MRPS6: variants seen among roughly 807,000 people sequenced by gnomAD.
MRPS6 encodes small ribosomal subunit protein bS6m.
MRPS6 carries 6 observed loss-of-function variants against 13.1 expected under a neutral mutation model. The observed-to-expected ratio is 0.46, with a 90% CI of 0.25 to 0.91. The LOEUF (loss-of-function observed/expected upper bound fraction) is 0.91, where lower values mean the gene tolerates loss of function less well. MRPS6 is among the 40% of genes least tolerant of loss of function. The probability of loss-of-function intolerance (pLI) is 0.18; values close to 1 mark genes in which losing one functional copy is unlikely to be tolerated. For missense variants in MRPS6, 164 were observed against 155.6 expected (o/e 1.05, Z -0.29); for synonymous variants, 61 against 56.5 (o/e 1.08, Z -0.36).
rs745528477 is a variant in MRPS6 at position 34,096,689 on chromosome 21, C to T, written c.45+22944C>T. 2.5e-6 allele frequency: 4 copies of T among 1,614,086 alleles called. No individual in the cohort carries two copies. Among genetic ancestry groups the T allele is most frequent in the East Asian group, 2.2e-5 (1 of 44,872 alleles). ...TTGCCTACCGTGCCCCAGAATGTGA[C>T]CAACCTGATAATAGGCCGGGCTTCA... On this transcript the variant is annotated intron_variant, in intron 1 of 2. Coordinates refer to ENST00000399312, the MANE Select transcript of MRPS6 (RefSeq NM_032476.4). This position sits in a 1 kb window ranked among gnomAD's most constrained non-coding sequence, Gnocchi z 5.9.
intron 1 of MRPS6, among the ~76,000 whole-genome samples, chr21:34,093,071 A>G (rs1427752876): frequency 6.6e-6 from 1 of 152,212 alleles, no homozygotes; most frequent in African/African-American, 2.4e-5. Context: ...AATGTTTACT[A>G]GTCATCTGAT....
At chr21:34,099,000 A>C in intron 1 of MRPS6, 1 of 989,598 alleles carries the variant, frequency 1.0e-6, no homozygotes, top group Non-Finnish European at 1.2e-6. Flanking sequence ...CAGTCTTTTT[A>C]ATTTTTTTGT....
At chr21:34,115,542 A>G (rs1979865147) in intron 1 of MRPS6, among the ~76,000 whole-genome samples, 1 of 151,920 alleles carries the variant, frequency 6.6e-6, no homozygotes, top group South Asian at 2.1e-4. Flanking sequence ...AGCTTGCAAG[A>G]CTCTTTCAGT....
chr21:34,133,734 C>CTT (rs552317640), intron 2 of MRPS6, among the ~76,000 whole-genome samples: 9 of 152,162 alleles, frequency 5.9e-5, no homozygotes, highest in African/African-American at 2.2e-4. Flanking sequence ...GCACATTACT[C>CTT]TAAGCACAGG....
chr21:34,130,464 A>G (rs1010608065), intron 2 of MRPS6, among the ~76,000 whole-genome samples: 1 of 152,060 alleles, frequency 6.6e-6, no homozygotes, highest in East Asian at 1.9e-4. Flanking sequence ...GCTCTCTTAC[A>G]ACCATGCTGC....
chr21:34,073,901 A>C (rs926740778), intron 1 of MRPS6, among the ~76,000 whole-genome samples, 156 bp downstream of exon 1: 3 of 142,878 alleles, frequency 2.1e-5, no homozygotes, highest in East Asian at 2.1e-4. Flanking sequence ...GTCCGCGGGA[A>C]GGGGGCGCGC....
chr21:34,096,017 A>G lies in MRPS6; in HGVS notation c.45+22272A>G, dbSNP rs760522860. The G allele has an allele frequency of 1.2e-6, 2 of 1,613,990 alleles. No individual in the cohort carries two copies. Among genetic ancestry groups the G allele is most frequent in the East Asian group, 2.2e-5 (1 of 44,892 alleles). On this transcript the variant is annotated intron_variant, in intron 1 of 2. Coordinates refer to ENST00000399312, the MANE Select transcript of MRPS6 (RefSeq NM_032476.4). The surrounding 1 kb of genome is among the most constrained non-coding windows in gnomAD (Gnocchi z 5.9). ...TTCTTGGGCAGACCCCAGCTTCAGT[A>G]TGGTACTGGTGTGCTGACCAAGTCA... is the stretch of plus-strand genomic sequence containing the variant.
intron 1 of MRPS6, among the ~76,000 whole-genome samples, chr21:34,077,027 G>T (rs535200032): frequency 6.6e-6 from 1 of 152,350 alleles, no homozygotes; most frequent in South Asian, 2.1e-4. Context: ...TTGCCTGTGA[G>T]ATGGTGAGGT....
chr21:34,097,121 G>A, intron 1 of MRPS6: 1 of 1,614,042 alleles, frequency 6.2e-7, no homozygotes, highest in African/African-American at 1.3e-5. Flanking sequence ...TCATGGGTGA[G>A]AAAGAGAGAA....
rs1368738894 is a variant in MRPS6, at chr21:34,101,763, C to T, written c.46-23578C>T. On this transcript the variant is annotated intron_variant, in intron 1 of 2. Coordinates refer to ENST00000399312, the MANE Select transcript of MRPS6 (RefSeq NM_032476.4). ...TAAATATAATTATGTTTTAAGTATA[C>T]TGAATTTCTGTTAGCTTAAAATGTT... The T allele has an allele frequency of 5.0e-6, 5 of 995,112 alleles. No homozygotes were observed. In the East Asian group the frequency reaches 5.7e-4, roughly 113 times the overall value. The allele number at this position is 995,112 out of a possible 1,614,324, so 61.6% of individuals were successfully genotyped here.
Position 34,074,433 on chromosome 21 carries a change from C to T in MRPS6, c.45+688C>T, listed in dbSNP as rs770120288. ...ATCCAAGTTGTGGCCTTTCTTGCGC[C>T]TCCAGAAGACACTTTCTTCCCCCTG... On this transcript the variant is annotated intron_variant, in intron 1 of 2. Transcript: ENST00000399312. 2.0e-5 allele frequency among the ~76,000 whole-genome samples: 3 copies of T among 152,242 alleles called. No homozygotes were observed. In the South Asian group the frequency reaches 6.2e-4, roughly 31 times the overall value.
At chr21:34,099,325 C>T in intron 1 of MRPS6, 4 of 1,000,162 alleles carry the variant, frequency 4.0e-6, no homozygotes, top group Non-Finnish European at 4.8e-6. Flanking sequence ...GAACAGAAAC[C>T]AGGTCTCCAA....
chr21:34,121,913 G>A (rs1980133502), intron 1 of MRPS6, among the ~76,000 whole-genome samples: 1 of 152,184 alleles, frequency 6.6e-6, no homozygotes, highest in Non-Finnish European at 1.5e-5. Context: ...AGTGGAATCA[G>A]TTCTGAGCCC....
intron 1 of MRPS6, among the ~76,000 whole-genome samples, chr21:34,117,009 G>A (rs900295752): frequency 1.3e-5 from 2 of 152,088 alleles, no homozygotes; most frequent in Non-Finnish European, 2.9e-5. Flanking sequence ...TTTCCCTGTA[G>A]TTTTTCCCAC....
Position 34,098,774 on chromosome 21 carries a change from G to T in MRPS6, c.45+25029G>T, listed in dbSNP as rs1029209798. On this transcript the variant is annotated intron_variant, in intron 1 of 2. Coordinates refer to ENST00000399312, the MANE Select transcript of MRPS6 (RefSeq NM_032476.4). ...CAGCTAGTGGGTACAGGGTACAAAA[G>T]ATGTTAGAGAAAAGCTCTACAGATT... is the stretch of plus-strand genomic sequence containing the variant. 7.0e-6 allele frequency: 7 copies of T among 1,000,108 alleles called. No homozygotes were observed. In the East Asian group the frequency reaches 7.9e-4, roughly 113 times the overall value. The allele number at this position is 1,000,108 out of a possible 1,614,324, so 62.0% of individuals were successfully genotyped here.
At chr21:34,090,259 C>T (rs1978617542) in intron 1 of MRPS6, among the ~76,000 whole-genome samples, 1 of 152,214 alleles carries the variant, frequency 6.6e-6, no homozygotes, top group African/African-American at 2.4e-5. Flanking sequence ...CCTTGCTCCA[C>T]ATTTTTAAAG....
chr21:34,102,494 C>A (rs773663337), intron 1 of MRPS6: 90 of 1,000,030 alleles, frequency 9.0e-5, no homozygotes, highest in Non-Finnish European at 1.1e-4. Context: ...TATAGTCTTT[C>A]ACTCAGAAAT....
intron 2 of MRPS6, among the ~76,000 whole-genome samples, chr21:34,136,509 G>A (rs1426349311): frequency 6.6e-6 from 1 of 152,120 alleles, no homozygotes; most frequent in East Asian, 1.9e-4. Flanking sequence ...TAATTTTATG[G>A]CACTTTAGTA....
chr21:34,097,030 A>G, intron 1 of MRPS6: 2 of 1,614,128 alleles, frequency 1.2e-6, no homozygotes, highest in Non-Finnish European at 1.7e-6. Context: ...ACCTGCAGAG[A>G]GGAGGGCAAC....
Sources: allele counts gnomAD v4.1 joint callset (sites outside exome capture counted in the v4.1 genomes callset), GRCh38; gene constraint gnomAD v4.1.1; non-coding constraint Gnocchi (gnomAD v3.1); transcripts MANE v1.5; gene names NCBI Gene and HGNC (gene_info 2026-07-23, HGNC 2026-07-21).